Variants in SUGCT observed in about 807,000 individuals in gnomAD.
SUGCT encodes the protein succinyl-CoA:glutarate CoA-transferase.
In SUGCT, 41 loss-of-function variants were observed where a neutral mutation model predicts 55.0. That is an observed-to-expected ratio of 0.74 (90% CI 0.58 to 0.97). The LOEUF (loss-of-function observed/expected upper bound fraction) is 0.97, where lower values mean the gene tolerates loss of function less well. SUGCT is among the 50% of genes least tolerant of loss of function. The pLI is 0.00. For missense variants in SUGCT, 568 were observed against 547.8 expected (o/e 1.04, Z -0.37); for synonymous variants, 187 against 200.4 (o/e 0.93, Z 0.56).
chr7:40,560,012 T>C (rs904348215), intron 12 of SUGCT, among the ~76,000 whole-genome samples: 10 of 152,222 alleles, frequency 6.6e-5, no homozygotes, highest in African/African-American at 2.4e-4. Flanking sequence ...AGGTCTTCTG[T>C]TGTGGATCAA....
At chr7:40,258,914 C>G (rs1426378889) in intron 7 of SUGCT, among the ~76,000 whole-genome samples, 1 of 152,074 alleles carries the variant, frequency 6.6e-6, no homozygotes, top group Non-Finnish European at 1.5e-5. Flanking sequence ...ACTTCAGTGT[C>G]CATGAATGAA....
intron 12 of SUGCT, among the ~76,000 whole-genome samples, chr7:40,501,860 G>T (rs1378941973): frequency 6.6e-6 from 1 of 151,954 alleles, no homozygotes; most frequent in East Asian, 1.9e-4. Flanking sequence ...GAAATAACAG[G>T]CATAAAACTT....
chr7:40,559,564 T>C (rs1795734407), intron 12 of SUGCT, among the ~76,000 whole-genome samples: 1 of 152,234 alleles, frequency 6.6e-6, no homozygotes, highest in South Asian at 2.1e-4. Context: ...GGTGAGAATG[T>C]GTATTTGTTT....
chr7:40,653,431 A>G (rs907443318), intron 12 of SUGCT, among the ~76,000 whole-genome samples: 1 of 152,172 alleles, frequency 6.6e-6, no homozygotes, highest in African/African-American at 2.4e-5. Flanking sequence ...TGTCCTTTGA[A>G]AATTTATAGC....
intron 13 of SUGCT, among the ~76,000 whole-genome samples, chr7:40,780,723 C>T (rs2128736909): frequency 6.7e-6 from 1 of 150,058 alleles, no homozygotes; most frequent in African/African-American, 2.4e-5. Flanking sequence ...ATTGGCAGGA[C>T]TTGGAGTTCC....
chr7:41,015,335 CAATT>C, the SUGCT span, among the ~76,000 whole-genome samples: 1 of 152,144 alleles, frequency 6.6e-6, no homozygotes, highest in Non-Finnish European at 1.5e-5. Context: ...TAACTTTAAG[CAATT>C]AATTGGGTGA....
chr7:40,695,600 G>A (rs933822517), intron 12 of SUGCT, among the ~76,000 whole-genome samples: 1 of 152,080 alleles, frequency 6.6e-6, no homozygotes, highest in Non-Finnish European at 1.5e-5. Flanking sequence ...ATGTGATAAC[G>A]TAATGGCAAT....
chr7:40,169,553 C>T (rs1375906126), intron 1 of SUGCT, among the ~76,000 whole-genome samples: 1 of 152,178 alleles, frequency 6.6e-6, no homozygotes, highest in African/African-American at 2.4e-5. Context: ...GTGGGCCTTC[C>T]AGTGATTCCC....
intron 12 of SUGCT, among the ~76,000 whole-genome samples, chr7:40,600,905 A>G (rs1368815322): frequency 1.3e-5 from 2 of 152,098 alleles, no homozygotes; most frequent in African/African-American, 4.8e-5. Flanking sequence ...GCAGTTAAGT[A>G]CTTTTTAAGG....
At chr7:40,445,753 A>G (rs545367287) in intron 9 of SUGCT, among the ~76,000 whole-genome samples, 1 of 152,196 alleles carries the variant, frequency 6.6e-6, no homozygotes, top group East Asian at 1.9e-4. Flanking sequence ...CCTCAATAAC[A>G]TATTATTTTT....
chr7:40,948,873 G>T, the SUGCT span, among the ~76,000 whole-genome samples: 26 of 152,112 alleles, frequency 1.7e-4, no homozygotes, highest in African/African-American at 5.6e-4. Flanking sequence ...ATTTCAGTTG[G>T]TTCCAAGTCT....
chr7:41,024,752 A>T, the SUGCT span, among the ~76,000 whole-genome samples: 16 of 130,402 alleles, frequency 1.2e-4, no homozygotes, highest in Non-Finnish European at 1.8e-4. Flanking sequence ...TGGGAGTGTA[A>T]ATGGGTACAG....
At chr7:40,809,520 T>G (rs1381245233) in intron 13 of SUGCT, among the ~76,000 whole-genome samples, 2 of 152,146 alleles carry the variant, frequency 1.3e-5, no homozygotes, top group Non-Finnish European at 2.9e-5. Flanking sequence ...AGAGGTTACT[T>G]TAACCTAGTA....
chr7:40,711,347 T>G (rs890705985), intron 12 of SUGCT, among the ~76,000 whole-genome samples: 6 of 152,006 alleles, frequency 3.9e-5, no homozygotes, highest in Non-Finnish European at 7.4e-5. Context: ...CTGTCTGTAC[T>G]AAAAATACAA....
chr7:40,588,230 T>TC lies in SUGCT; in HGVS notation c.1089+91844_1089+91845insC, dbSNP rs1055930449. Among the ~76,000 whole-genome samples the TC allele has an allele frequency of 6.6e-4, 90 of 135,808 alleles. 1 individual carries two copies. The highest frequency in any genetic ancestry group is 2.6e-3 in the African/African-American group (85 of 32,400). 89.1% of individuals were successfully genotyped at this position (135,808 alleles called of 152,430 possible). A position where few individuals can be genotyped will look rare whatever the true frequency, so the allele number is the denominator to read the frequency against. ...CTTTTGTATTTCTAAGAAAATTCTC[T>TC]TTTTTTTTTTTTAATTATACTTTTA... On this transcript the variant is annotated intron_variant, in intron 12 of 13. Coordinates refer to ENST00000335693, the MANE Select transcript of SUGCT (RefSeq NM_001193313.2).
intron 9 of SUGCT, among the ~76,000 whole-genome samples, chr7:40,346,668 T>A (rs1797330411): frequency 6.6e-6 from 1 of 152,152 alleles, no homozygotes; most frequent in Admixed American, 6.5e-5. Flanking sequence ...GCTATATGTG[T>A]CCCCCAAAAT....
chr7:40,496,952 G>A (rs1204020963), intron 12 of SUGCT, among the ~76,000 whole-genome samples: 1 of 152,092 alleles, frequency 6.6e-6, no homozygotes, highest in Non-Finnish European at 1.5e-5. Context: ...TTGCTTATCA[G>A]GCTCCTTTTT....
chr7:40,315,871 C>G (rs552871810), intron 8 of SUGCT, among the ~76,000 whole-genome samples: 1 of 152,266 alleles, frequency 6.6e-6, no homozygotes, highest in South Asian at 2.1e-4. Context: ...CACCTCCTTT[C>G]CATAGTTCTG....
intron 13 of SUGCT, among the ~76,000 whole-genome samples, chr7:40,768,619 AAT>A (rs1788929029): frequency 6.6e-6 from 1 of 152,202 alleles, no homozygotes; most frequent in Non-Finnish European, 1.5e-5. Flanking sequence ...TTCATAAAAG[AAT>A]ACTTGCTGTG....
Sources: allele counts gnomAD v4.1 joint callset (sites outside exome capture counted in the v4.1 genomes callset), GRCh38; gene constraint gnomAD v4.1.1; transcripts MANE v1.5; gene names NCBI Gene and HGNC (gene_info 2026-07-23, HGNC 2026-07-21).